FBN2: variants seen among roughly 807,000 people sequenced by gnomAD.
The protein encoded by FBN2 is fibrillin-2.
Under a neutral mutation model 355.6 loss-of-function variants are expected in FBN2, and 105 were observed. The ratio of observed to expected loss-of-function variants is 0.30; its 90% CI spans 0.25 to 0.35. FBN2 has a LOEUF of 0.35. Ranked by LOEUF, FBN2 falls within the 10% of genes least tolerant of loss-of-function variation. The probability of loss-of-function intolerance (pLI) is 1.00; values close to 1 mark genes in which losing one functional copy is unlikely to be tolerated. For synonymous variants in FBN2, 1,350 were observed against 1,301.2 expected (o/e 1.04, Z -0.81); for missense variants, 3,280 against 3,758.7 (o/e 0.87, Z 3.33).
rs184132548 is a variant in FBN2 at position 128,263,417 on chromosome 5, C to T, written c.8192+8G>A. On this transcript the variant is annotated splice_region_variant and intron_variant, in intron 63 of 64. Transcript: ENST00000262464. ...TCCTCTATGTGCTGAGGCTGAAGGC[C>T]GCCTTACCCTTGTCCCACTCTGTAA... 5.2e-5 allele frequency: 83 copies of T among 1,602,238 alleles called. No homozygotes were observed. Among genetic ancestry groups the T allele is most frequent in the African/African-American group, 3.5e-4 (26 of 74,758 alleles).
chr5:128,392,680 C>G (rs1459232022), intron 10 of FBN2, among the ~76,000 whole-genome samples: 1 of 152,198 alleles, frequency 6.6e-6, no homozygotes, highest in Non-Finnish European at 1.5e-5. Flanking sequence ...ATATTTGGAT[C>G]TGCACAGAGC....
At chr5:128,274,073 T>C in intron 60 of FBN2, 105 bp from the exon 61 acceptor site, 1 of 1,352,556 alleles carries the variant, frequency 7.4e-7, no homozygotes, top group Admixed American at 1.8e-5. Context: ...TTTCATGATG[T>C]GAAAATGGCA....
At chr5:128,444,062 T>C in intron 7 of FBN2, among the ~76,000 whole-genome samples, 1 of 110,790 alleles carries the variant, frequency 9.0e-6, no homozygotes, top group East Asian at 2.2e-4. Context: ...TTCTTTTTTT[T>C]TTTTTTTTTT....
chr5:128,333,594 C>T (rs1011841486), intron 31 of FBN2, among the ~76,000 whole-genome samples: 1 of 151,446 alleles, frequency 6.6e-6, no homozygotes, highest in Non-Finnish European at 1.5e-5. Context: ...ATTTTTATTT[C>T]TTCTACTTAT....
chr5:128,348,229 T>C (rs1423894145), intron 23 of FBN2, among the ~76,000 whole-genome samples: 3 of 152,234 alleles, frequency 2.0e-5, no homozygotes, highest in Non-Finnish European at 4.4e-5. Flanking sequence ...ATTATTATTT[T>C]TGACATTTTC....
chr5:128,335,152 C>A lies in FBN2; in HGVS notation c.3973+18G>T. The stretch of plus-strand genomic sequence containing the variant: ...GCATGTGTGTGTATAAATGTTTATC[C>A]TTTCTTATGATACCCACCAATGCAT... On this transcript the variant is annotated intron_variant, in intron 30 of 64. Transcript: ENST00000262464. The A allele has an allele frequency of 6.2e-7, 1 of 1,613,840 alleles. No homozygotes were observed. The highest frequency in any genetic ancestry group is 8.5e-7 in the Non-Finnish European group (1 of 1,179,966).
At chr5:128,537,205 G>A (rs916150500) in intron 1 of FBN2, 145 bp downstream of exon 1, 2 of 1,382,794 alleles carry the variant, frequency 1.4e-6, no homozygotes, top group South Asian at 1.4e-5. Context: ...GCTCCTGGGG[G>A]TCTTTGGATA....
At chr5:128,486,475 T>C (rs1218670795) in intron 5 of FBN2, among the ~76,000 whole-genome samples, 1 of 152,210 alleles carries the variant, frequency 6.6e-6, no homozygotes, top group Non-Finnish European at 1.5e-5. Context: ...TATTTAGCTG[T>C]ATACAAAATT....
At position 128,310,365 on chromosome 5, in the gene FBN2, CATATATAT is replaced by C. The variant is rs1178825562; in HGVS notation, c.5075-265_5075-258del. On this transcript the variant is annotated intron_variant, in intron 39 of 64. Transcript: ENST00000262464. ...GTGGCAAAAAATAATTTCCTTGGCA[CATATATAT>C]ATATATATATATATATATATATATA... Among the ~76,000 whole-genome samples, 426 of 57,108 alleles carry C rather than the reference CATATATAT, an allele frequency of 7.5e-3. 3 individuals are homozygous for C. Among genetic ancestry groups the C allele is most frequent in the East Asian group, 0.025 (41 of 1,642 alleles). 37.5% of individuals were successfully genotyped at this position (57,108 alleles called of 152,430 possible). A position where few individuals can be genotyped will look rare whatever the true frequency, so the allele number is the denominator to read the frequency against.
chr5:128,327,113 C>T (rs952910006), intron 34 of FBN2, among the ~76,000 whole-genome samples: 12 of 152,184 alleles, frequency 7.9e-5, no homozygotes, highest in African/African-American at 2.9e-4. Flanking sequence ...TACTAAGCTT[C>T]AGTGCTTAGA....
intron 23 of FBN2, among the ~76,000 whole-genome samples, chr5:128,348,699 G>A (rs1413527177): frequency 2.0e-5 from 3 of 151,868 alleles, no homozygotes; most frequent in African/African-American, 7.3e-5. Context: ...ATCTCTGTAG[G>A]TAAATGAAAA....
chr5:128,333,297 C>T (rs1411056576), intron 31 of FBN2, among the ~76,000 whole-genome samples: 1 of 152,126 alleles, frequency 6.6e-6, no homozygotes, highest in Non-Finnish European at 1.5e-5. Flanking sequence ...AGTGTTGCTC[C>T]CCGGCAGGTA....
intron 51 of FBN2, 63 bp downstream of exon 51, chr5:128,289,819 T>G: frequency 1.0e-6 from 1 of 959,800 alleles, no homozygotes; most frequent in Non-Finnish European, 1.7e-6. Context: ...AGTTATAAAA[T>G]AAATGTAAAA....
chr5:128,318,271 T>C lies in FBN2; in HGVS notation c.4595A>G (p.Asp1532Gly), dbSNP rs757990365. Residue 1532 changes from aspartate to glycine, a missense_variant and splice_region_variant, in exon 36 of 65, where the codon GAT (aspartate) becomes GGT (glycine). Around this residue, in one of 6 missense-constraint regions of FBN2, gnomAD observed 2,284 missense variants for 2,749.5 expected, o/e 0.83. Coordinates refer to ENST00000262464, the MANE Select transcript of FBN2 (RefSeq NM_001999.4). ...TATAGGATCTGCACACTCATCAATATCTAGGAGAAGCATTTAAAATGCCCA... is the reference window on the plus strand; with the variant it reads ...TATAGGATCTGCACACTCATCAATACCTAGGAGAAGCATTTAAAATGCCCA... ...ELDRTGGNCT[D>G]IDECADPINC... The C allele has an allele frequency of 6.2e-7, 1 of 1,614,076 alleles. No homozygotes were observed. Among genetic ancestry groups the C allele is most frequent in the Non-Finnish European group, 8.5e-7 (1 of 1,179,950 alleles).
intron 39 of FBN2, 125 bp downstream of exon 39, chr5:128,311,175 A>G: frequency 1.0e-6 from 1 of 986,242 alleles, no homozygotes; most frequent in Non-Finnish European, 1.5e-6. Flanking sequence ...ATGAAAAAAA[A>G]AAAAGCTATG....
intron 20 of FBN2, among the ~76,000 whole-genome samples, chr5:128,356,211 T>C (rs994462359): frequency 2.6e-5 from 4 of 151,642 alleles, no homozygotes; most frequent in Admixed American, 1.3e-4. Flanking sequence ...TTTCCTAATA[T>C]GAAGAGCTGA....
At chr5:128,413,504 T>G (rs1220294914) in intron 7 of FBN2, among the ~76,000 whole-genome samples, 1 of 152,130 alleles carries the variant, frequency 6.6e-6, no homozygotes, top group Non-Finnish European at 1.5e-5. Context: ...CACAGGTTTT[T>G]TAAAAAAGGA....
Position 128,280,407 on chromosome 5 carries a change from C to T in FBN2, c.7013-90G>A, listed in dbSNP as rs1319916979. ...CTAATGGGTTATATCTTATTTAACACTTCTTTGCCAAAATACTAATATGAT... is the reference window on the plus strand; with the variant it reads ...CTAATGGGTTATATCTTATTTAACATTTCTTTGCCAAAATACTAATATGAT... On this transcript the variant is annotated intron_variant, in intron 55 of 64. Transcript: ENST00000262464. 7.1e-6 allele frequency: 7 copies of T among 985,020 alleles called. No individual in the cohort carries two copies. In the East Asian group the frequency reaches 1.7e-4, roughly 24 times the overall value. The allele number at this position is 985,020 out of a possible 1,614,324, so 61.0% of individuals were successfully genotyped here.
At chr5:128,357,032 G>A (rs1489356832) in intron 20 of FBN2, among the ~76,000 whole-genome samples, 1 of 152,140 alleles carries the variant, frequency 6.6e-6, no homozygotes, top group Non-Finnish European at 1.5e-5. Context: ...ATGATTATAA[G>A]TTATAGCATA....
Sources: gnomAD v4.1 joint callset for allele counts (sites outside exome capture counted in the v4.1 genomes callset) on GRCh38, gnomAD v4.1.1 for gene constraint, gnomAD v4.1.1 regional missense constraint, MANE v1.5 for transcripts, NCBI Gene and HGNC (gene_info 2026-07-23, HGNC 2026-07-21) for gene names.